ABCG1: variants seen among roughly 807,000 people sequenced by gnomAD.
ABCG1 encodes the protein ATP-binding cassette sub-family G member 1.
ABCG1 carries 29 observed loss-of-function variants against 69.2 expected under a neutral mutation model. The ratio of observed to expected loss-of-function variants is 0.42; its 90% CI spans 0.31 to 0.57. The LOEUF is 0.57. Among genes scored for constraint, ABCG1 ranks in the 20% least tolerant of loss-of-function variants. The probability of loss-of-function intolerance (pLI) is 0.15; values close to 1 mark genes in which losing one functional copy is unlikely to be tolerated. For missense variants in ABCG1, 718 were observed against 898.1 expected (o/e 0.80, Z 2.56); for synonymous variants, 370 against 374.8 (o/e 0.99, Z 0.15).
upstream of ABCG1, among the ~76,000 whole-genome samples, chr21:42,211,500 T>C (rs892214549): frequency 3.3e-5 from 5 of 152,060 alleles, no homozygotes; most frequent in Admixed American, 2.6e-4. Context: ...TTTCCTTCCT[T>C]ACTTTCTCCC....
chr21:42,219,093 G>T (rs1027538995), upstream of ABCG1: 6 of 490,456 alleles, frequency 1.2e-5, no homozygotes, highest in African/African-American at 1.0e-4. The surrounding 1 kb of genome is among the most constrained non-coding windows in gnomAD (Gnocchi z 5.3). Flanking sequence ...GCGCGCTCGG[G>T]GCGGGGTCGG....
At chr21:42,249,641 G>A (rs2068187672) in intron 2 of ABCG1, among the ~76,000 whole-genome samples, 1 of 152,150 alleles carries the variant, frequency 6.6e-6, no homozygotes, top group African/African-American at 2.4e-5. Context: ...GCCATCATCA[G>A]CATCATCATT....
intron 2 of ABCG1, among the ~76,000 whole-genome samples, chr21:42,261,420 A>G (rs1321439521): frequency 6.6e-6 from 1 of 152,294 alleles, no homozygotes; most frequent in African/African-American, 2.4e-5. Flanking sequence ...ATCTTCTCCC[A>G]TGAGAAAGGA....
intron 1 of ABCG1, among the ~76,000 whole-genome samples, chr21:42,223,271 C>T (rs890027691): frequency 2.0e-5 from 3 of 152,198 alleles, no homozygotes; most frequent in Non-Finnish European, 2.9e-5. Context: ...GCCAGCACTC[C>T]TCCATGTCAC....
chr21:42,274,037 G>A (rs751095939), intron 4 of ABCG1, among the ~76,000 whole-genome samples: 13 of 152,340 alleles, frequency 8.5e-5, no homozygotes, highest in South Asian at 2.1e-4. Flanking sequence ...AGGGTCACAC[G>A]GCTGCTGATG....
At chr21:42,265,428 G>A (rs1569226459) in intron 2 of ABCG1, among the ~76,000 whole-genome samples, 1 of 152,228 alleles carries the variant, frequency 6.6e-6, no homozygotes, top group East Asian at 1.9e-4. Context: ...TCATATGACA[G>A]CTGTCTGGAT....
chr21:42,263,725 C>A (rs2068452818), intron 2 of ABCG1, among the ~76,000 whole-genome samples: 1 of 152,182 alleles, frequency 6.6e-6, no homozygotes, highest in African/African-American at 2.4e-5. Context: ...GTAAAAATGC[C>A]TGAAGTAGGT....
intron 2 of ABCG1, chr21:42,201,849 C>T: frequency 6.4e-7 from 1 of 1,559,266 alleles, no homozygotes; most frequent in Non-Finnish European, 8.7e-7. Context: ...TGTGGGAGCT[C>T]CTGCGGTGTA....
intron 6 of ABCG1, 32 bp downstream of exon 6, chr21:42,282,451 G>A (rs2123773336): frequency 1.3e-6 from 2 of 1,593,796 alleles, no homozygotes; most frequent in Non-Finnish European, 1.7e-6. Flanking sequence ...TGGTGTCCAG[G>A]GGCAGGAAGA....
rs1462997325 is a variant in ABCG1 at position 42,284,664 on chromosome 21, T to A, written c.839T>A (p.Leu280His). The A allele has an allele frequency of 1.2e-6, 2 of 1,613,380 alleles. No homozygotes were observed. The highest frequency in any genetic ancestry group is 1.7e-5 in the Admixed American group (1 of 60,000). ...ICTIHQPSAK[L>H]FELFDQLYVL... ...ACCATCCACCAGCCCAGCGCCAAAC[T>A]CTTCGAGCTGTTCGACCAGGTACGC... is the stretch of plus-strand genomic sequence containing the variant. The change falls in exon 7 of 15, where the codon CTC (leucine) becomes CAC (histidine). Residue 280 changes from leucine to histidine, a missense_variant. Leu to His is a moderately conservative substitution (Grantham distance 99). Around this residue, in one of 2 missense-constraint regions of ABCG1, gnomAD observed 514 missense variants for 574.3 expected, o/e 0.90. Transcript: ENST00000398449.
At position 42,291,303 on chromosome 21, in the gene ABCG1, G is replaced by C; in HGVS notation, c.1494+111G>C. ...ATGCAGGGTGACATGGCCCGACTTCGGGAGCTCTGGTGGGAGCTGCGGGGA... is the reference window on the plus strand; with the variant it reads ...ATGCAGGGTGACATGGCCCGACTTCCGGAGCTCTGGTGGGAGCTGCGGGGA... On this transcript the variant is annotated intron_variant, in intron 12 of 14. Coordinates refer to ENST00000398449, the MANE Select transcript of ABCG1 (RefSeq NM_016818.3). This position sits in a 1 kb window ranked among gnomAD's most constrained non-coding sequence, Gnocchi z 6.4. 8.5e-7 allele frequency: 1 copy of C among 1,170,532 alleles called. No individual in the cohort carries two copies. Among genetic ancestry groups the C allele is most frequent in the Non-Finnish European group, 1.2e-6 (1 of 811,574 alleles). The allele number at this position is 1,170,532 out of a possible 1,614,324, so 72.5% of individuals were successfully genotyped here.
Position 42,219,245 on chromosome 21 carries a change from C to T in ABCG1, c.-18C>T, listed in dbSNP as rs2067680897. On this transcript the variant is annotated 5_prime_UTR_variant, in exon 1 of 15. Coordinates refer to ENST00000398449, the MANE Select transcript of ABCG1 (RefSeq NM_016818.3). The surrounding 1 kb of genome is among the most constrained non-coding windows in gnomAD (Gnocchi z 5.3). ...TCCCCGCCGCCGCCGCCGCCGCCGC[C>T]GCCGCCGCCCCCGGGGCATGGCCTG... 4 of 1,534,918 alleles carry T rather than the reference C, an allele frequency of 2.6e-6. No individual in the cohort carries two copies. Among genetic ancestry groups the T allele is most frequent in the East Asian group, 2.6e-5 (1 of 38,838 alleles).
rs763826799 is a variant in ABCG1 at position 42,282,345 on chromosome 21, T to A, written c.660T>A (p.Gly220=). 1.0e-4 allele frequency: 165 copies of A among 1,613,618 alleles called. No individual in the cohort carries two copies. The highest frequency in any genetic ancestry group is 1.3e-4 in the Non-Finnish European group (150 of 1,180,028). The change falls in exon 6 of 15, where the codon GGT becomes GGA. Residue 220 remains glycine, a synonymous_variant. Transcript: ENST00000398449. ...CGCGGACCGGGAGCCTGTCAGGTGG[T>A]CAGCGCAAGCGCCTGGCCATCGCGC... ...ANTRTGSLSG[G]QRKRLAIALE...
intron 8 of ABCG1, 159 bp downstream of exon 8, chr21:42,286,153 G>A (rs2068936792): frequency 1.7e-6 from 1 of 599,488 alleles, no homozygotes; most frequent in Non-Finnish European, 3.0e-6. Flanking sequence ...AAAAAATTAG[G>A]TTTCATTTCC....
At chr21:42,293,765 C>T (rs1237165195) in intron 13 of ABCG1, among the ~76,000 whole-genome samples, 1 of 151,488 alleles carries the variant, frequency 6.6e-6, no homozygotes, top group Non-Finnish European at 1.5e-5. Flanking sequence ...GTACATACCA[C>T]ATACCACACC....
At chr21:42,243,445 CGCGTGTGTGTGTGT>C (rs1270826887) in intron 2 of ABCG1, among the ~76,000 whole-genome samples, 27 of 79,662 alleles carry the variant, frequency 3.4e-4, no homozygotes, top group African/African-American at 9.8e-4. Flanking sequence ...CGTGTGTGTG[CGCGTGTGTGTGTGT>C]GTGTGTGTGT....
At chr21:42,223,843 A>C (rs2067770406) in intron 1 of ABCG1, among the ~76,000 whole-genome samples, 1 of 152,180 alleles carries the variant, frequency 6.6e-6, no homozygotes, top group Non-Finnish European at 1.5e-5. Flanking sequence ...ACCCTGTATT[A>C]GTGTGGGCTT....
chr21:42,259,597 C>T, intron 2 of ABCG1: 1 of 1,450,428 alleles, frequency 6.9e-7, no homozygotes, highest in South Asian at 1.5e-5. Context: ...CGGAGCTGGC[C>T]ATTACCTTGT....
intron 2 of ABCG1, among the ~76,000 whole-genome samples, chr21:42,239,738 C>A (rs1210517265): frequency 1.3e-5 from 2 of 152,238 alleles, no homozygotes; most frequent in African/African-American, 2.4e-5. Context: ...GTGACCCATG[C>A]TCCTAGAGCC....
Sources: gnomAD v4.1 joint callset for allele counts (sites outside exome capture counted in the v4.1 genomes callset) on GRCh38, gnomAD v4.1.1 for gene constraint, gnomAD v4.1.1 regional missense constraint, Gnocchi (gnomAD v3.1) non-coding constraint, MANE v1.5 for transcripts, NCBI Gene and HGNC (gene_info 2026-07-23, HGNC 2026-07-21) for gene names.